ATG7: variants seen among roughly 807,000 people sequenced by gnomAD.
ATG7 encodes the protein ubiquitin-like modifier-activating enzyme ATG7.
A neutral mutation model predicts 82.4 loss-of-function variants in ATG7; 70 were observed. That is an observed-to-expected ratio of 0.85 (90% confidence interval 0.70 to 1.04). The LOEUF (loss-of-function observed/expected upper bound fraction) is 1.04. Ranked by LOEUF, ATG7 falls within the 50% of genes least tolerant of loss-of-function variation. The pLI is 0.00. For synonymous variants in ATG7, 287 were observed against 313.0 expected (o/e 0.92, Z 0.88); for missense variants, 792 against 864.3 (o/e 0.92, Z 1.05).
At chr3:11,530,984 AAATAAT>A (rs903125050) in intron 20 of ATG7, among the ~76,000 whole-genome samples, 5 of 152,240 alleles carry the variant, frequency 3.3e-5, no homozygotes, top group South Asian at 2.1e-4. Flanking sequence ...CTATCTCGGA[AAATAAT>A]AATAATAAAA....
chr3:11,319,171 G>A (rs1454107712), intron 9 of ATG7, among the ~76,000 whole-genome samples: 4 of 152,194 alleles, frequency 2.6e-5, no homozygotes, highest in Non-Finnish European at 4.4e-5. Flanking sequence ...GGGCAGGGCC[G>A]AACCCTAGAG....
chr3:11,512,553 T>C (rs1275596939), intron 20 of ATG7, among the ~76,000 whole-genome samples: 1 of 152,226 alleles, frequency 6.6e-6, no homozygotes, highest in Non-Finnish European at 1.5e-5. Flanking sequence ...AATGAAGCCA[T>C]GGACCGTCGC....
At chr3:11,527,067 G>C (rs1458552454) in intron 20 of ATG7, among the ~76,000 whole-genome samples, 2 of 95,292 alleles carry the variant, frequency 2.1e-5, no homozygotes, top group Non-Finnish European at 4.2e-5. Context: ...GTGTGTGTGT[G>C]TGTGTATATA....
At position 11,426,878 on chromosome 3, in the gene ATG7, A is replaced by C; in HGVS notation, c.2031A>C (p.Glu677Asp). ...KVFNSSHSFLEDLTGLTLLHQ... is the reference protein window; with the variant it reads ...KVFNSSHSFLDDLTGLTLLHQ... Reference sequence around the variant, plus strand: ...TTAATTCTTCACATTCCTTCTTAGAAGACTTGACTGGTCTTACATTGCTGC... The same window carrying C: ...TTAATTCTTCACATTCCTTCTTAGACGACTTGACTGGTCTTACATTGCTGC... The change falls in exon 20 of 21, where the codon GAA (glutamate) becomes GAC (aspartate). Residue 677 changes from glutamate (E) to aspartate (D), a missense_variant. Physicochemically the swap from Glu to Asp is conservative, Grantham distance 45. Transcript: ENST00000693202. The C allele has an allele frequency of 6.2e-7, 1 of 1,612,256 alleles. No homozygotes were observed. Among genetic ancestry groups the C allele is most frequent in the Non-Finnish European group, 8.5e-7 (1 of 1,179,238 alleles).
At position 11,281,101 on chromosome 3, in the gene ATG7, A is replaced by T. The variant is rs549928120; in HGVS notation, c.-258A>T. 2.0e-5 allele frequency: 3 copies of T among 152,320 alleles called. No individual in the cohort carries two copies. The highest frequency in any genetic ancestry group is 7.2e-5 in the African/African-American group (3 of 41,566). 9.4% of individuals were successfully genotyped at this position (152,320 alleles called of 1,614,324 possible). ...TGCGTCTATGATTCTTCCCTGATCA[A>T]GGTAGGAATGCAGTTACTCTGTCAT... On this transcript the variant is annotated splice_region_variant and 5_prime_UTR_variant, in exon 2 of 21. It adds an upstream start codon to the 5' untranslated region. Coordinates refer to ENST00000693202, the MANE Select transcript of ATG7 (RefSeq NM_001349232.2).
At chr3:11,415,041 T>A (rs902736059) in intron 19 of ATG7, among the ~76,000 whole-genome samples, 1 of 152,244 alleles carries the variant, frequency 6.6e-6, no homozygotes, top group African/African-American at 2.4e-5. Flanking sequence ...CGTGACAGCA[T>A]AAGCCTACTG....
chr3:11,453,129 A>G (rs1267975215), intron 20 of ATG7, among the ~76,000 whole-genome samples: 5 of 152,246 alleles, frequency 3.3e-5, no homozygotes, highest in Non-Finnish European at 5.9e-5. Context: ...AAGATTGTAC[A>G]GTAAAAAGAG....
At chr3:11,449,637 T>C (rs570831387) in intron 20 of ATG7, among the ~76,000 whole-genome samples, 11 of 152,328 alleles carry the variant, frequency 7.2e-5, no homozygotes, top group African/African-American at 2.6e-4. Flanking sequence ...AGATGAACGC[T>C]TGGCATAAAT....
At position 11,331,357 on chromosome 3, in the gene ATG7, T is replaced by C. The variant is rs1418785585; in HGVS notation, c.696T>C (p.Tyr232=). Residue 232 remains tyrosine (Y), a synonymous_variant, in exon 10 of 21, where the codon TAT becomes TAC. Transcript: ENST00000693202. Reference sequence around the variant, plus strand: ...GTTCACAGATAACAATTGGTGTATATGATCCCTGTAACTTAGCCCAGTACC... The same window carrying C: ...GTTCACAGATAACAATTGGTGTATACGATCCCTGTAACTTAGCCCAGTACC... ...GQRTKITIGV[Y]DPCNLAQYPG... 1 of 1,613,618 alleles carries C rather than the reference T, an allele frequency of 6.2e-7. No homozygotes were observed. The highest frequency in any genetic ancestry group is 8.5e-7 in the Non-Finnish European group (1 of 1,179,492).
intron 15 of ATG7, 136 bp from the exon 16 acceptor site, chr3:11,360,445 C>T: frequency 6.0e-6 from 5 of 834,412 alleles, no homozygotes; most frequent in South Asian, 3.5e-5. Context: ...TAGATTTTAT[C>T]ATCATTAGCT....
At chr3:11,305,862 A>G (rs1459627421) in intron 5 of ATG7, among the ~76,000 whole-genome samples, 5 of 152,192 alleles carry the variant, frequency 3.3e-5, no homozygotes, top group African/African-American at 1.2e-4. Context: ...CCAATTTTAC[A>G]TGGACTTTAA....
At chr3:11,379,933 T>G in intron 18 of ATG7, 39 bp from the exon 19 acceptor site, 2 of 1,578,800 alleles carry the variant, frequency 1.3e-6, no homozygotes, top group South Asian at 1.1e-5. Context: ...GTGGTCGTTG[T>G]GTGTTTGATG....
Position 11,288,289 on chromosome 3 carries a change from C to T in ATG7, c.-11+5851C>T, listed in dbSNP as rs78983796. Among the ~76,000 whole-genome samples, 610 of 152,306 alleles carry T rather than the reference C, an allele frequency of 4.0e-3. 5 individuals are homozygous for T. The highest frequency in any genetic ancestry group is 0.014 in the African/African-American group (576 of 41,566). Reference sequence around the variant, plus strand: ...TAATTTTTAAACTGCTGAAATTTATCTTACTATATAGCATCCATCCATTGG... The same window carrying T: ...TAATTTTTAAACTGCTGAAATTTATTTTACTATATAGCATCCATCCATTGG... On this transcript the variant is annotated intron_variant, in intron 3 of 20. Transcript: ENST00000693202.
intron 18 of ATG7, among the ~76,000 whole-genome samples, chr3:11,374,899 A>G (rs1266643452): frequency 2.5e-4 from 9 of 36,422 alleles, no homozygotes; most frequent in African/African-American, 5.2e-4. Flanking sequence ...GCTCAAAAAA[A>G]AAAAAAAAAA....
chr3:11,468,617 G>A (rs2087081529), intron 20 of ATG7, among the ~76,000 whole-genome samples: 1 of 152,110 alleles, frequency 6.6e-6, no homozygotes, highest in African/African-American at 2.4e-5. Flanking sequence ...CTGTGTCATG[G>A]AGAAAACACA....
intron 3 of ATG7, among the ~76,000 whole-genome samples, chr3:11,295,174 G>A (rs981795540): frequency 6.6e-6 from 1 of 152,184 alleles, no homozygotes; most frequent in Non-Finnish European, 1.5e-5. Flanking sequence ...TTGGTCAGGC[G>A]CTATCTGGGG....
At chr3:11,492,629 C>T (rs1395834652) in intron 20 of ATG7, among the ~76,000 whole-genome samples, 1 of 152,248 alleles carries the variant, frequency 6.6e-6, no homozygotes, top group Non-Finnish European at 1.5e-5. Context: ...GCTTCGGGCA[C>T]TGGCAGGAGC....
At chr3:11,536,937 A>C (rs1389933419) in intron 20 of ATG7, among the ~76,000 whole-genome samples, 2 of 152,086 alleles carry the variant, frequency 1.3e-5, no homozygotes, top group Non-Finnish European at 2.9e-5. Context: ...TCTAAAATAT[A>C]ATCTGAACCC....
chr3:11,293,251 C>T (rs1421108598), intron 3 of ATG7, among the ~76,000 whole-genome samples: 3 of 151,980 alleles, frequency 2.0e-5, no homozygotes, highest in Non-Finnish European at 2.9e-5. Flanking sequence ...ATGATTTGGC[C>T]GGGTGTGGTG....
Sources: allele counts gnomAD v4.1 joint callset (sites outside exome capture counted in the v4.1 genomes callset), GRCh38; gene constraint gnomAD v4.1.1; transcripts MANE v1.5; gene names NCBI Gene and HGNC (gene_info 2026-07-23, HGNC 2026-07-21).